SORCS2: variants seen among roughly 807,000 people sequenced by gnomAD.
SORCS2 encodes the protein sortilin related VPS10 domain containing receptor 2, also known as VPS10 domain-containing receptor SorCS2.
A neutral mutation model predicts 141.6 loss-of-function variants in SORCS2; 100 were observed. The observed-to-expected ratio is 0.71, with a 90% CI of 0.60 to 0.83. The LOEUF is 0.83. SORCS2 is among the 40% of genes least tolerant of loss of function. The pLI is 0.00. For synonymous variants in SORCS2, 789 were observed against 676.9 expected (o/e 1.17, Z -2.57); for missense variants, 1,646 against 1,560.2 (o/e 1.05, Z -0.93).
intron 3 of SORCS2, among the ~76,000 whole-genome samples, chr4:7,632,032 A>C (rs945833833): frequency 6.6e-6 from 1 of 152,178 alleles, no homozygotes; most frequent in African/African-American, 2.4e-5. Flanking sequence ...GTGATCACCC[A>C]CTTGGCACAC....
intron 2 of SORCS2, among the ~76,000 whole-genome samples, chr4:7,459,254 A>G (rs1729133605): frequency 6.6e-6 from 1 of 152,004 alleles, no homozygotes; most frequent in Admixed American, 6.5e-5. Context: ...CCTCAACTAT[A>G]GAAGAGGGAG....
chr4:7,226,401 C>A (rs1728992653), intron 1 of SORCS2, among the ~76,000 whole-genome samples: 1 of 152,112 alleles, frequency 6.6e-6, no homozygotes, highest in Non-Finnish European at 1.5e-5. Context: ...CTGATGGAGC[C>A]CTGTTGAACT....
At chr4:7,733,516 G>A (rs1253774836) in intron 24 of SORCS2, 95 bp downstream of exon 24, 71 of 995,864 alleles carry the variant, frequency 7.1e-5, no homozygotes, top group East Asian at 2.7e-4. Context: ...CAGATGGCCC[G>A]TATCCCCCTC....
intron 1 of SORCS2, among the ~76,000 whole-genome samples, chr4:7,252,561 G>A (rs1713577942): frequency 6.6e-6 from 1 of 152,198 alleles, no homozygotes; most frequent in Non-Finnish European, 1.5e-5. Flanking sequence ...TGAAAATAAA[G>A]GCTCTACATA....
intron 1 of SORCS2, among the ~76,000 whole-genome samples, chr4:7,219,036 C>T (rs1728542949): frequency 6.6e-6 from 1 of 152,222 alleles, no homozygotes; most frequent in African/African-American, 2.4e-5. Flanking sequence ...GTGACTCCCT[C>T]TGCTTGGCAT....
intron 2 of SORCS2, among the ~76,000 whole-genome samples, chr4:7,481,242 C>T (rs556415575): frequency 1.4e-3 from 220 of 152,370 alleles, no homozygotes; most frequent in Non-Finnish European, 2.4e-3. Flanking sequence ...CAGGAGCGTG[C>T]GCTCCTCTTA....
intron 1 of SORCS2, among the ~76,000 whole-genome samples, chr4:7,360,287 CAGAG>C (rs1389258220): frequency 6.6e-6 from 1 of 152,188 alleles, no homozygotes; most frequent in Non-Finnish European, 1.5e-5. Flanking sequence ...AACTGAGACT[CAGAG>C]AGGTGAGGTG....
rs1186708204 is a variant in SORCS2 at position 7,600,623 on chromosome 4, T to TG, written c.649-37703dup. 2.0e-5 allele frequency among the ~76,000 whole-genome samples: 3 copies of TG among 150,208 alleles called. No homozygotes were observed. In the East Asian group the frequency reaches 5.9e-4, roughly 30 times the overall value. ...GGTCCGGTAGAGGGAATTCCTAGCC[T>TG]GGCGTTTTTAGATTACGATATACAT... On this transcript the variant is annotated intron_variant, in intron 3 of 26. Coordinates refer to ENST00000507866, the MANE Select transcript of SORCS2 (RefSeq NM_020777.3).
chr4:7,661,356 G>T, intron 5 of SORCS2, 144 bp from the exon 6 acceptor site: 1 of 752,090 alleles, frequency 1.3e-6, no homozygotes, highest in Non-Finnish European at 2.3e-6. Flanking sequence ...GTGGGGTCCT[G>T]GGGTGGTGAT....
chr4:7,458,990 A>G (rs1002349769), intron 2 of SORCS2, among the ~76,000 whole-genome samples: 1 of 152,034 alleles, frequency 6.6e-6, no homozygotes, highest in Non-Finnish European at 1.5e-5. Flanking sequence ...GGGGGCCGGC[A>G]GGGGGTGCAT....
At chr4:7,513,903 G>A (rs1020465373) in intron 2 of SORCS2, among the ~76,000 whole-genome samples, 6 of 152,338 alleles carry the variant, frequency 3.9e-5, no homozygotes, top group African/African-American at 1.4e-4. Flanking sequence ...AAGTTATTAT[G>A]GTGCTGTGGC....
chr4:7,695,568 A>G (rs1386389072), intron 11 of SORCS2, among the ~76,000 whole-genome samples: 1 of 10,292 alleles, frequency 9.7e-5, no homozygotes, highest in Non-Finnish European at 1.8e-4. Flanking sequence ...GGATGCATGG[A>G]TGGATGGATG....
intron 25 of SORCS2, among the ~76,000 whole-genome samples, chr4:7,736,031 A>G (rs567347658): frequency 1.7e-4 from 26 of 152,370 alleles, no homozygotes; most frequent in African/African-American, 6.3e-4. Flanking sequence ...TATTGGGCAT[A>G]GGCAGAAGTG....
At chr4:7,328,752 G>A (rs1392375581) in intron 1 of SORCS2, among the ~76,000 whole-genome samples, 2 of 152,202 alleles carry the variant, frequency 1.3e-5, no homozygotes, top group Non-Finnish European at 2.9e-5. Context: ...ACAAGTCCTG[G>A]TCTTGCCACT....
At chr4:7,232,426 C>T (rs1386567089) in intron 1 of SORCS2, among the ~76,000 whole-genome samples, 1 of 152,186 alleles carries the variant, frequency 6.6e-6, no homozygotes, top group Non-Finnish European at 1.5e-5. Flanking sequence ...CGCTAGTTAG[C>T]GAGCAAGGCA....
At chr4:7,579,756 T>C (rs1716021160) in intron 3 of SORCS2, among the ~76,000 whole-genome samples, 2 of 151,938 alleles carry the variant, frequency 1.3e-5, no homozygotes, top group African/African-American at 4.8e-5. Context: ...TGTTAAGGAG[T>C]CTGCCTTCTG....
At chr4:7,686,439 AAAC>A (rs1723875656) in intron 10 of SORCS2, among the ~76,000 whole-genome samples, 1 of 152,170 alleles carries the variant, frequency 6.6e-6, no homozygotes, top group East Asian at 1.9e-4. Flanking sequence ...CCTATGTGCC[AAAC>A]GGACAGAGAA....
intron 26 of SORCS2, 136 bp downstream of exon 26, chr4:7,737,308 CG>C (rs1367038256): frequency 1.6e-6 from 2 of 1,257,244 alleles, no homozygotes; most frequent in South Asian, 1.5e-5. Flanking sequence ...CCCTTGCCAG[CG>C]GGTCGGTCGG....
chr4:7,373,478 A>ATATATATATTT (rs1470691140), intron 1 of SORCS2, among the ~76,000 whole-genome samples: 3 of 36,818 alleles, frequency 8.1e-5, no homozygotes, highest in Non-Finnish European at 1.2e-4. Context: ...ATATATATAT[A>ATATATATATTT]TTTTTTTTTT....
Sources: allele counts gnomAD v4.1 joint callset (sites outside exome capture counted in the v4.1 genomes callset), GRCh38; gene constraint gnomAD v4.1.1; transcripts MANE v1.5; gene names NCBI Gene and HGNC (gene_info 2026-07-23, HGNC 2026-07-21).